Variants in DAAM1 observed in about 807,000 individuals in gnomAD.
DAAM1 encodes the protein disheveled-associated activator of morphogenesis 1.
Under a neutral mutation model 130.0 loss-of-function variants are expected in DAAM1, and 52 were observed. The observed-to-expected ratio is 0.40, with a 90% CI of 0.32 to 0.50. The LOEUF is 0.50. Among genes scored for constraint, DAAM1 ranks in the 20% least tolerant of loss-of-function variants. The probability of loss-of-function intolerance (pLI) is 0.61; values close to 1 mark genes in which losing one functional copy is unlikely to be tolerated. For synonymous variants in DAAM1, 452 were observed against 444.5 expected (o/e 1.02, Z -0.21); for missense variants, 1,134 against 1,303.8 (o/e 0.87, Z 2.01).
intron 23 of DAAM1, among the ~76,000 whole-genome samples, chr14:59,364,620 C>T (rs1029921736): frequency 2.6e-5 from 4 of 151,184 alleles, no homozygotes; most frequent in African/African-American, 9.9e-5. Context: ...TCTCAGTTGC[C>T]ACAACACTCT....
intron 1 of DAAM1, among the ~76,000 whole-genome samples, chr14:59,213,126 G>A (rs554720860): frequency 8.4e-4 from 128 of 151,732 alleles, no homozygotes; most frequent in African/African-American, 3.0e-3. Context: ...TTCTAAAGAC[G>A]TATTTTACTA....
At chr14:59,350,201 C>T (rs1459342428) in intron 17 of DAAM1, among the ~76,000 whole-genome samples, 5 of 152,132 alleles carry the variant, frequency 3.3e-5, no homozygotes, top group East Asian at 1.9e-4. Context: ...CCCCCACTTC[C>T]GTCCCATTAG....
At chr14:59,197,044 C>G (rs531245012) in intron 1 of DAAM1, among the ~76,000 whole-genome samples, 2 of 152,186 alleles carry the variant, frequency 1.3e-5, no homozygotes, top group African/African-American at 4.8e-5. Context: ...CCTCGGCCTC[C>G]CGGGTAGCTG....
At chr14:59,344,894 G>A (rs1886010123) in intron 16 of DAAM1, among the ~76,000 whole-genome samples, 1 of 152,072 alleles carries the variant, frequency 6.6e-6, no homozygotes, top group Non-Finnish European at 1.5e-5. Context: ...GAAGGACTCA[G>A]CAGAACTACA....
chr14:59,310,669 A>T (rs1373654290), intron 3 of DAAM1, among the ~76,000 whole-genome samples: 1 of 152,200 alleles, frequency 6.6e-6, no homozygotes, highest in East Asian at 1.9e-4. Context: ...TTGTTTGGTT[A>T]AGCCTTACTG....
rs1887161183 is a variant in DAAM1 at position 59,371,243 on chromosome 14, T to C, written c.*2384T>C. 6.6e-6 allele frequency: 1 copy of C among 152,166 alleles called. No individual in the cohort carries two copies. 9.4% of individuals were successfully genotyped at this position (152,166 alleles called of 1,614,324 possible). A position where few individuals can be genotyped will look rare whatever the true frequency, so the allele number is the denominator to read the frequency against. On this transcript the variant is annotated 3_prime_UTR_variant, in exon 25 of 25. Transcript: ENST00000360909. ...AATGCATAATTTGTAAACTTAATTA[T>C]ATGTCTTATATCTTATTAGCTTAGT...
At chr14:59,337,721 A>G (rs1885681599) in intron 15 of DAAM1, among the ~76,000 whole-genome samples, 1 of 152,154 alleles carries the variant, frequency 6.6e-6, no homozygotes, top group Admixed American at 6.5e-5. Context: ...GGACAGGGCC[A>G]CGAATGGCTG....
intron 3 of DAAM1, among the ~76,000 whole-genome samples, chr14:59,315,067 G>A (rs1884734260): frequency 6.6e-6 from 1 of 152,164 alleles, no homozygotes; most frequent in Non-Finnish European, 1.5e-5. Context: ...TCACACTTCA[G>A]CATTCTCTGT....
chr14:59,206,346 G>A (rs1278969856), intron 1 of DAAM1, among the ~76,000 whole-genome samples: 1 of 151,982 alleles, frequency 6.6e-6, no homozygotes, highest in Non-Finnish European at 1.5e-5. Flanking sequence ...TGCGATCTCG[G>A]CTCACTGCAA....
chr14:59,204,381 G>A (rs1289682739), intron 1 of DAAM1, among the ~76,000 whole-genome samples: 1 of 152,198 alleles, frequency 6.6e-6, no homozygotes, highest in Non-Finnish European at 1.5e-5. Context: ...TGTTCCACAT[G>A]GCCCACATTG....
intron 3 of DAAM1, among the ~76,000 whole-genome samples, chr14:59,298,607 T>C (rs1884048317): frequency 6.6e-6 from 1 of 152,240 alleles, no homozygotes; most frequent in African/African-American, 2.4e-5. Context: ...TGCAAAAAAG[T>C]CAGCACTATT....
At chr14:59,359,985 A>G (rs11626926) in intron 21 of DAAM1, among the ~76,000 whole-genome samples, 63,278 of 152,136 alleles carry the variant, frequency 0.42, 15,330 homozygotes, top group East Asian at 0.84. Flanking sequence ...GAAGCAGGCA[A>G]TTTTCCTTGC....
At chr14:59,325,071 T>A (rs1045026156) in intron 8 of DAAM1, among the ~76,000 whole-genome samples, 2 of 152,200 alleles carry the variant, frequency 1.3e-5, no homozygotes, top group Non-Finnish European at 2.9e-5. Flanking sequence ...GCTTGCTGTT[T>A]CCTCAGCTTC....
chr14:59,321,893 G>T, intron 5 of DAAM1, among the ~76,000 whole-genome samples: 1 of 152,076 alleles, frequency 6.6e-6, no homozygotes, highest in East Asian at 1.9e-4. Flanking sequence ...CACATAAACA[G>T]GTTATGTTAC....
intron 1 of DAAM1, among the ~76,000 whole-genome samples, chr14:59,210,230 G>A (rs1343046435): frequency 6.6e-6 from 1 of 152,172 alleles, no homozygotes; most frequent in Admixed American, 6.5e-5. Context: ...GAGCATTAAA[G>A]CATTTTTCAC....
In DAAM1 at chr14:59,330,701, G is replaced by T; in HGVS notation, c.1560+13G>T. 1 of 1,595,138 alleles carries T rather than the reference G, an allele frequency of 6.3e-7. No individual in the cohort carries two copies. The highest frequency in any genetic ancestry group is 8.5e-7 in the Non-Finnish European group (1 of 1,171,822). The stretch of plus-strand genomic sequence containing the variant: ...TGAGCTCAGCAGGGTGAGGTCTTCC[G>T]CTCAGCTCACGGGCAGCTGCCAAGG... On this transcript the variant is annotated intron_variant, in intron 13 of 24. Transcript: ENST00000360909.
chr14:59,201,809 A>AG, intron 1 of DAAM1, among the ~76,000 whole-genome samples: 1 of 152,156 alleles, frequency 6.6e-6, no homozygotes, highest in African/African-American at 2.4e-5. Context: ...AAAAAAAAAA[A>AG]AATTCATGTC....
At chr14:59,202,343 C>A (rs1239675561) in intron 1 of DAAM1, among the ~76,000 whole-genome samples, 1 of 152,118 alleles carries the variant, frequency 6.6e-6, no homozygotes, top group African/African-American at 2.4e-5. Flanking sequence ...GGTGGGAGAT[C>A]AAATAAAATG....
At chr14:59,323,587 T>A (rs1885100413) in intron 6 of DAAM1, among the ~76,000 whole-genome samples, 1 of 152,172 alleles carries the variant, frequency 6.6e-6, no homozygotes, top group Non-Finnish European at 1.5e-5. Flanking sequence ...ACTATATTAC[T>A]TGGATGTAAA....
Sources: allele counts gnomAD v4.1 joint callset (sites outside exome capture counted in the v4.1 genomes callset), GRCh38; gene constraint gnomAD v4.1.1; transcripts MANE v1.5; gene names NCBI Gene and HGNC (gene_info 2026-07-23, HGNC 2026-07-21).